The following TMEM132D variants were observed in gnomAD, a reference collection of about 807,000 sequenced individuals.
TMEM132D encodes mature OL transmembrane protein.
Under a neutral mutation model 62.3 loss-of-function variants are expected in TMEM132D, and 21 were observed. The ratio of observed to expected loss-of-function variants is 0.34; its 90% CI spans 0.24 to 0.49. TMEM132D has a LOEUF of 0.49. Among genes scored for constraint, TMEM132D ranks in the 20% least tolerant of loss-of-function variants. TMEM132D has a pLI of 0.99. For missense variants in TMEM132D, 1,346 were observed against 1,402.8 expected, an observed-to-expected ratio of 0.96 and a Z score of 0.65; for synonymous variants, 621 against 575.6, an observed-to-expected ratio of 1.08 and a Z score of -1.13.
intron 5 of TMEM132D, among the ~76,000 whole-genome samples, chr12:129,102,716 A>G (rs2073112851): frequency 6.6e-6 from 1 of 152,216 alleles, no homozygotes; most frequent in Non-Finnish European, 1.5e-5. Flanking sequence ...AAAACCCACA[A>G]TCCACTCTGC....
intron 4 of TMEM132D, among the ~76,000 whole-genome samples, chr12:129,230,715 C>G (rs533059785): frequency 8.5e-5 from 13 of 152,222 alleles, no homozygotes; most frequent in Non-Finnish European, 1.8e-4. Flanking sequence ...GAGTATTCTT[C>G]TGCCTAGCTG....
At chr12:129,105,751 A>C (rs1391349345) in intron 5 of TMEM132D, among the ~76,000 whole-genome samples, 5 of 151,538 alleles carry the variant, frequency 3.3e-5, no homozygotes, top group African/African-American at 1.2e-4. Context: ...GGCAATCATT[A>C]AAAAGTCAGG....
rs982544187 is a variant in TMEM132D at position 129,371,736 on chromosome 12, C to T, written c.1116-33919G>A. Among the ~76,000 whole-genome samples, 1 of 151,964 alleles carries T rather than the reference C, an allele frequency of 6.6e-6. No individual in the cohort carries two copies. Among genetic ancestry groups the T allele is most frequent in the Non-Finnish European group, 1.5e-5 (1 of 68,002 alleles). Reference sequence around the variant, plus strand: ...GGTGATGATGATGGGGTGTTTAGAACTGGAAAACATGGAAGTCTATACATA... The same window carrying T: ...GGTGATGATGATGGGGTGTTTAGAATTGGAAAACATGGAAGTCTATACATA... On this transcript the variant is annotated intron_variant, in intron 3 of 8. Coordinates refer to ENST00000422113, the MANE Select transcript of TMEM132D (RefSeq NM_133448.3). This position sits in a 1 kb window ranked among gnomAD's most constrained non-coding sequence, Gnocchi z 4.3.
intron 5 of TMEM132D, among the ~76,000 whole-genome samples, chr12:129,157,450 T>G (rs1877280529): frequency 6.6e-6 from 1 of 152,266 alleles, no homozygotes; most frequent in Non-Finnish European, 1.5e-5. Context: ...CTGTCCACTC[T>G]TTATGTTCAC....
chr12:129,218,319 T>C (rs1879264854), intron 4 of TMEM132D, among the ~76,000 whole-genome samples: 1 of 152,208 alleles, frequency 6.6e-6, no homozygotes, highest in African/African-American at 2.4e-5. Flanking sequence ...GAGAAATGCA[T>C]TGTTAGGCGA....
At chr12:129,292,247 G>A (rs1881466436) in intron 4 of TMEM132D, among the ~76,000 whole-genome samples, 1 of 152,112 alleles carries the variant, frequency 6.6e-6, no homozygotes, top group Admixed American at 6.5e-5. Context: ...CAAGAAGCTT[G>A]GTCTTCATAA....
chr12:129,432,931 A>G (rs1341233767), intron 3 of TMEM132D, among the ~76,000 whole-genome samples: 1 of 152,196 alleles, frequency 6.6e-6, no homozygotes, highest in East Asian at 1.9e-4. Context: ...CCTTGCAGGT[A>G]GAACCTACCC....
chr12:129,728,086 G>A (rs929184116), intron 1 of TMEM132D, among the ~76,000 whole-genome samples: 5 of 152,196 alleles, frequency 3.3e-5, no homozygotes, highest in Non-Finnish European at 5.9e-5. Context: ...AGAGTGAGAA[G>A]CTAGAAGGAT....
chr12:129,795,201 T>C (rs1175914365), intron 1 of TMEM132D, among the ~76,000 whole-genome samples: 1 of 152,230 alleles, frequency 6.6e-6, no homozygotes, highest in Non-Finnish European at 1.5e-5. Flanking sequence ...TCATCATTCT[T>C]TTCTTACATC....
At chr12:129,233,104 T>G (rs1422449759) in intron 4 of TMEM132D, among the ~76,000 whole-genome samples, 1 of 152,236 alleles carries the variant, frequency 6.6e-6, no homozygotes, top group Non-Finnish European at 1.5e-5. Context: ...GAAATTATCT[T>G]ATTCTTATGT....
intron 2 of TMEM132D, among the ~76,000 whole-genome samples, chr12:129,628,208 G>A (rs540565307): frequency 6.6e-6 from 1 of 152,328 alleles, no homozygotes; most frequent in Non-Finnish European, 1.5e-5. Flanking sequence ...CCAGAGGACT[G>A]TGGAAAGATC....
At chr12:129,660,008 A>T (rs1189193803) in intron 2 of TMEM132D, among the ~76,000 whole-genome samples, 1 of 152,236 alleles carries the variant, frequency 6.6e-6, no homozygotes, top group Non-Finnish European at 1.5e-5. Flanking sequence ...TTATTCAGTG[A>T]AATTATTGCT....
Position 129,213,501 on chromosome 12 carries a change from CAAACAAAACA to C in TMEM132D, c.1300-3848_1300-3839del, listed in dbSNP as rs144820911. ...AACAGAGCGAGGCCTTCTCTCAAAACAAACAAAACAAAACAAAACAAAACAAAAAAACCTA... is the reference window on the plus strand; with the variant it reads ...AACAGAGCGAGGCCTTCTCTCAAAACAAACAAAACAAAACAAAAAAACCTA... On this transcript the variant is annotated intron_variant, in intron 4 of 8. Coordinates refer to ENST00000422113, the MANE Select transcript of TMEM132D (RefSeq NM_133448.3). 4.5e-3 allele frequency among the ~76,000 whole-genome samples: 671 copies of C among 150,566 alleles called. 7 individuals are homozygous for C. The highest frequency in any genetic ancestry group is 0.015 in the African/African-American group (629 of 40,986).
At chr12:129,484,557 CT>C (rs1487924368) in intron 3 of TMEM132D, among the ~76,000 whole-genome samples, 2 of 152,174 alleles carry the variant, frequency 1.3e-5, no homozygotes, top group Non-Finnish European at 2.9e-5. Context: ...GCCATATTTA[CT>C]TTATCAGTGG....
intron 5 of TMEM132D, among the ~76,000 whole-genome samples, chr12:129,120,747 T>G (rs1190158150): frequency 6.6e-6 from 1 of 152,190 alleles, no homozygotes; most frequent in Non-Finnish European, 1.5e-5. Context: ...ATTGTCAACA[T>G]TAGGAAGATT....
At chr12:129,160,510 C>A (rs1440803107) in intron 5 of TMEM132D, among the ~76,000 whole-genome samples, 1 of 152,196 alleles carries the variant, frequency 6.6e-6, no homozygotes, top group Non-Finnish European at 1.5e-5. Flanking sequence ...TGCTGACATC[C>A]CTCTTGCTTA....
At chr12:129,605,042 G>T (rs902129789) in intron 2 of TMEM132D, among the ~76,000 whole-genome samples, 8 of 152,164 alleles carry the variant, frequency 5.3e-5, no homozygotes, top group South Asian at 2.1e-4. Flanking sequence ...GTATAGATAT[G>T]CATAAAAGTA....
chr12:129,133,903 T>G (rs1375317333), intron 5 of TMEM132D, among the ~76,000 whole-genome samples: 1 of 152,218 alleles, frequency 6.6e-6, no homozygotes, highest in Non-Finnish European at 1.5e-5. Context: ...GTTGGTACAC[T>G]GGTAGAATGC....
At chr12:129,806,470 A>T (rs1397758908) in intron 1 of TMEM132D, among the ~76,000 whole-genome samples, 1 of 136,976 alleles carries the variant, frequency 7.3e-6, no homozygotes, top group Non-Finnish European at 1.6e-5. Context: ...GCATATTCTC[A>T]CTCATAGGTG....
Sources: gnomAD v4.1 joint callset for allele counts (sites outside exome capture counted in the v4.1 genomes callset) on GRCh38, gnomAD v4.1.1 for gene constraint, Gnocchi (gnomAD v3.1) non-coding constraint, MANE v1.5 for transcripts, NCBI Gene and HGNC (gene_info 2026-07-23, HGNC 2026-07-21) for gene names.